The following MKNK1 variants were observed in gnomAD, a reference collection of about 807,000 sequenced individuals.
MKNK1 encodes the protein MAP kinase-interacting serine/threonine-protein kinase 1.
A neutral mutation model predicts 49.3 loss-of-function variants in MKNK1; 30 were observed. The observed-to-expected ratio is 0.61, with a 90% CI of 0.46 to 0.83. MKNK1 has a LOEUF of 0.83. MKNK1 is among the 40% of genes least tolerant of loss of function. The probability of loss-of-function intolerance (pLI) is 0.00; values close to 1 mark genes in which losing one functional copy is unlikely to be tolerated. For synonymous variants in MKNK1, 176 were observed against 201.7 expected, an observed-to-expected ratio of 0.87 and a Z score of 1.08; for missense variants, 423 against 524.7, an observed-to-expected ratio of 0.81 and a Z score of 1.89.
intron 4 of MKNK1, among the ~76,000 whole-genome samples, chr1:46,579,800 G>A (rs1297937059): frequency 6.6e-6 from 1 of 152,188 alleles, no homozygotes; most frequent in Non-Finnish European, 1.5e-5. Flanking sequence ...AGGCCTTACA[G>A]CTAATTAAAG....
intron 6 of MKNK1, among the ~76,000 whole-genome samples, chr1:46,573,063 C>T (rs910576515): frequency 3.3e-5 from 5 of 152,322 alleles, no homozygotes; most frequent in Admixed American, 6.5e-5. Context: ...CTTATTCTCA[C>T]CACAATTGGA....
intron 7 of MKNK1, chr1:46,571,356 C>T (rs1258999040): frequency 1.2e-5 from 3 of 257,340 alleles, no homozygotes; most frequent in African/African-American, 2.4e-5. Flanking sequence ...CCAGCCTGGG[C>T]AACAGAGGGA....
intron 8 of MKNK1, among the ~76,000 whole-genome samples, chr1:46,565,718 C>T (rs1024473792): frequency 6.6e-6 from 1 of 152,212 alleles, no homozygotes; most frequent in Admixed American, 6.5e-5. Context: ...GATGCTGTGC[C>T]TGAGACCACA....
intron 12 of MKNK1, 119 bp downstream of exon 12, chr1:46,560,115 G>A: frequency 9.1e-7 from 1 of 1,098,652 alleles, no homozygotes; most frequent in South Asian, 1.3e-5. Flanking sequence ...GGGGAAATGG[G>A]CAGGGAGCCC....
At chr1:46,565,740 C>T (rs1416674487) in intron 8 of MKNK1, among the ~76,000 whole-genome samples, 6 of 152,184 alleles carry the variant, frequency 3.9e-5, no homozygotes, top group Non-Finnish European at 5.9e-5. Flanking sequence ...ACAGGTGCCT[C>T]ATCTCTGGAG....
chr1:46,565,539 C>T (rs1376374181), intron 8 of MKNK1: 5 of 207,016 alleles, frequency 2.4e-5, no homozygotes, highest in African/African-American at 7.0e-5. Context: ...AACCTCTGAC[C>T]GCCTCAGGTG....
At chr1:46,559,066 C>T (rs528501023) in intron 12 of MKNK1, among the ~76,000 whole-genome samples, 1 of 152,336 alleles carries the variant, frequency 6.6e-6, no homozygotes, top group African/African-American at 2.4e-5. Context: ...CTCCTCTGAG[C>T]TCCCACAACT....
In MKNK1 at chr1:46,562,669, CGCCCCGGTCCCA is replaced by C; in HGVS notation, c.772_783del (p.Trp258_Gly261del). 6.4e-7 allele frequency: 1 copy of C among 1,555,588 alleles called. No homozygotes were observed. Among genetic ancestry groups the C allele is most frequent in the Non-Finnish European group, 8.7e-7 (1 of 1,149,158 alleles). ...CTCACCTGGCACACCCTGCAGACCT[CGCCCCGGTCCCA>C]GCCACAGTCGGCCCCGCAGTGACCC... On this transcript the variant is annotated inframe_deletion, in exon 10 of 13. Coordinates refer to ENST00000371945, the MANE Select transcript of MKNK1 (RefSeq NM_001135553.4).
chr1:46,560,007 G>A (rs1667652691), intron 12 of MKNK1, among the ~76,000 whole-genome samples: 1 of 152,132 alleles, frequency 6.6e-6, no homozygotes, highest in Non-Finnish European at 1.5e-5. Flanking sequence ...AACAGTGCTA[G>A]GAGGGGCCTT....
intron 11 of MKNK1, among the ~76,000 whole-genome samples, chr1:46,560,586 C>T (rs1318832196): frequency 3.3e-5 from 5 of 152,224 alleles, no homozygotes; most frequent in Non-Finnish European, 7.3e-5. Flanking sequence ...CCTTCCCTGC[C>T]ACCTTCCTGC....
At chr1:46,567,726 G>C (rs1471003584) in intron 8 of MKNK1, among the ~76,000 whole-genome samples, 2 of 152,192 alleles carry the variant, frequency 1.3e-5, no homozygotes, top group African/African-American at 4.8e-5. Flanking sequence ...AGCTGTGAAC[G>C]TGGGCCCCAA....
chr1:46,581,064 A>G (rs1277122606), intron 3 of MKNK1, among the ~76,000 whole-genome samples: 1 of 152,070 alleles, frequency 6.6e-6, no homozygotes, highest in African/African-American at 2.4e-5. Context: ...TCTAAAATAT[A>G]TATACGCATG....
intron 9 of MKNK1, among the ~76,000 whole-genome samples, chr1:46,564,408 A>T (rs3766243): frequency 0.53 from 78,753 of 147,538 alleles, 24,599 homozygotes; most frequent in Non-Finnish European, 0.69. Flanking sequence ...CTGGCCTGGG[A>T]GTAGGGTCCA....
intron 12 of MKNK1, among the ~76,000 whole-genome samples, chr1:46,559,032 G>A (rs1436774340): frequency 6.6e-6 from 1 of 152,188 alleles, no homozygotes; most frequent in Non-Finnish European, 1.5e-5. Flanking sequence ...GTAGGGGCAA[G>A]CTCCCCCTTC....
intron 8 of MKNK1, among the ~76,000 whole-genome samples, chr1:46,567,571 G>C (rs1348989889): frequency 6.6e-6 from 1 of 152,206 alleles, no homozygotes; most frequent in African/African-American, 2.4e-5. Context: ...GATCTTATTT[G>C]AGCGAATCCA....
chr1:46,583,034 CT>C, intron 3 of MKNK1, 193 bp downstream of exon 3: 1 of 680,674 alleles, frequency 1.5e-6, no homozygotes, highest in Non-Finnish European at 2.7e-6. Flanking sequence ...CATCTGAGAG[CT>C]TTTTCCATCC....
chr1:46,559,620 T>C (rs1046662770), intron 12 of MKNK1: 1 of 155,226 alleles, frequency 6.4e-6, no homozygotes. Context: ...ATCCAGCCCT[T>C]AGCACCACGT....
At chr1:46,561,846 C>G (rs560199806) in intron 10 of MKNK1, among the ~76,000 whole-genome samples, 1 of 152,308 alleles carries the variant, frequency 6.6e-6, no homozygotes, top group East Asian at 1.9e-4. Flanking sequence ...CTTGGCAGGC[C>G]AGGATGGCTA....
intron 4 of MKNK1, among the ~76,000 whole-genome samples, chr1:46,579,005 C>T (rs1377623620): frequency 2.0e-5 from 3 of 152,212 alleles, no homozygotes; most frequent in African/African-American, 4.8e-5. Flanking sequence ...CAGCCCGCCT[C>T]AGCCTCCCAA....
Sources: gnomAD v4.1 joint callset for allele counts (sites outside exome capture counted in the v4.1 genomes callset) on GRCh38, gnomAD v4.1.1 for gene constraint, MANE v1.5 for transcripts, NCBI Gene and HGNC (gene_info 2026-07-23, HGNC 2026-07-21) for gene names.